The following ZNF320 variants were observed in gnomAD, a reference collection of about 807,000 sequenced individuals.
ZNF320 encodes zinc finger gene 320.
A neutral mutation model predicts 6.8 loss-of-function variants in ZNF320; 2 were observed. The observed-to-expected ratio is 0.29, with a 90% confidence interval of 0.12 to 0.93. The LOEUF is 0.93. Among genes scored for constraint, ZNF320 ranks in the 40% least tolerant of loss-of-function variants. ZNF320 has a pLI of 0.55. For missense variants in ZNF320, 472 were observed against 611.0 expected (o/e 0.77, Z 2.40); for synonymous variants, 208 against 203.2 (o/e 1.02, Z -0.20).
At chr19:52,867,481 C>A (rs1381197655) in intron 5 of ZNF320, among the ~76,000 whole-genome samples, 3 of 152,128 alleles carry the variant, frequency 2.0e-5, no homozygotes, top group Non-Finnish European at 4.4e-5. Context: ...CAGGCATGAG[C>A]CACCGTGCCC....
At chr19:52,899,768 G>A (rs2064565630), upstream of ZNF320, among the ~76,000 whole-genome samples, 1 of 152,178 alleles carries the variant, frequency 6.6e-6, no homozygotes, top group African/African-American at 2.4e-5. Context: ...GTGATAGATA[G>A]CATTTCTTAT....
At chr19:52,886,071 T>A (rs571266712) in intron 5 of ZNF320, among the ~76,000 whole-genome samples, 1 of 151,840 alleles carries the variant, frequency 6.6e-6, no homozygotes, top group East Asian at 1.9e-4. Flanking sequence ...AAAATAACTC[T>A]GACAAAAATA....
chr19:52,899,761 A>C (rs917473861), upstream of ZNF320, among the ~76,000 whole-genome samples: 2 of 152,168 alleles, frequency 1.3e-5, no homozygotes, highest in Non-Finnish European at 2.9e-5. Flanking sequence ...GCGCCCGGTG[A>C]TAGATAGCAT....
chr19:52,900,203 T>G (rs1419059442), upstream of ZNF320, among the ~76,000 whole-genome samples: 1 of 152,202 alleles, frequency 6.6e-6, no homozygotes, highest in East Asian at 1.9e-4. Context: ...AGTCTGCAAC[T>G]TTGGAAATTT....
intron 5 of ZNF320, among the ~76,000 whole-genome samples, chr19:52,882,434 T>A (rs1403053989): frequency 6.6e-6 from 1 of 152,208 alleles, no homozygotes; most frequent in African/African-American, 2.4e-5. Context: ...GTAAGGATAA[T>A]CAAAATCAAT....
chr19:52,902,344 A>G (rs376498957), upstream of ZNF320, among the ~76,000 whole-genome samples: 35 of 152,340 alleles, frequency 2.3e-4, no homozygotes, highest in Middle Eastern at 6.8e-3. Flanking sequence ...AGAATCCTGG[A>G]AAAGAGCTAC....
intron 5 of ZNF320, 41 bp from the exon 6 acceptor site, chr19:52,882,024 G>C (rs2063939630): frequency 2.6e-6 from 4 of 1,557,008 alleles, no homozygotes; most frequent in Non-Finnish European, 2.6e-6. Context: ...ATTAAGTACA[G>C]ATGGTATAAA....
At chr19:52,899,733 T>C (rs1018809866), upstream of ZNF320, among the ~76,000 whole-genome samples, 3 of 152,162 alleles carry the variant, frequency 2.0e-5, no homozygotes, top group African/African-American at 7.2e-5. Flanking sequence ...AGTGCTGGGA[T>C]TACAGGCGTG....
At chr19:52,868,970 T>C (rs1600574565) in intron 5 of ZNF320, among the ~76,000 whole-genome samples, 1 of 152,052 alleles carries the variant, frequency 6.6e-6, no homozygotes, top group Non-Finnish European at 1.5e-5. Context: ...AATTGGGGTG[T>C]TCACTTTTAC....
chr19:52,872,447 C>T (rs535877541), downstream of ZNF320, among the ~76,000 whole-genome samples: 7 of 152,304 alleles, frequency 4.6e-5, no homozygotes, highest in South Asian at 6.2e-4. Flanking sequence ...GGGGGAGCAG[C>T]GCTCAGCAAG....
intron 5 of ZNF320, among the ~76,000 whole-genome samples, chr19:52,870,674 A>G (rs562692500): frequency 6.6e-6 from 1 of 151,630 alleles, no homozygotes; most frequent in African/African-American, 2.4e-5. Flanking sequence ...GCTCAGGCAA[A>G]AGAATCACTG....
downstream of ZNF320, chr19:52,873,854 G>A (rs2063721747): frequency 7.0e-6 from 2 of 286,768 alleles, no homozygotes; most frequent in Admixed American, 4.2e-5. Flanking sequence ...AGATGACAAG[G>A]ACTGAGAAAA....
intron 5 of ZNF320, among the ~76,000 whole-genome samples, chr19:52,864,469 C>T (rs1205050920): frequency 6.6e-6 from 1 of 152,148 alleles, no homozygotes; most frequent in Non-Finnish European, 1.5e-5. Context: ...AATACAAGTG[C>T]AGTCTCAGAG....
chr19:52,901,538 G>A (rs1006204870), upstream of ZNF320, among the ~76,000 whole-genome samples: 5 of 152,040 alleles, frequency 3.3e-5, no homozygotes, highest in African/African-American at 1.2e-4. Context: ...TCAGAGGTTG[G>A]GCCCACTAGA....
intron 5 of ZNF320, among the ~76,000 whole-genome samples, chr19:52,864,996 G>A (rs1159334328): frequency 6.6e-6 from 1 of 151,834 alleles, no homozygotes; most frequent in Non-Finnish European, 1.5e-5. Flanking sequence ...CTGGGTGATA[G>A]AGCGAGACTC....
chr19:52,876,554 G>C lies in ZNF320; in HGVS notation c.*4042C>G, dbSNP rs2063772174. 6.6e-6 allele frequency: 1 copy of C among 152,132 alleles called. No individual in the cohort carries two copies. Among genetic ancestry groups the C allele is most frequent in the Non-Finnish European group, 1.5e-5 (1 of 68,024 alleles). 9.4% of individuals were successfully genotyped at this position (152,132 alleles called of 1,614,324 possible). Reference sequence around the variant, plus strand: ...CTCGCTCTTGCCCAGCCAGAGTGCAGTTGCAGGATCTCAGCTCACTGCAAC... The same window carrying C: ...CTCGCTCTTGCCCAGCCAGAGTGCACTTGCAGGATCTCAGCTCACTGCAAC... On this transcript the variant is annotated 3_prime_UTR_variant, in exon 6 of 6. Transcript: ENST00000682928.
upstream of ZNF320, among the ~76,000 whole-genome samples, chr19:52,899,921 G>A (rs1018839588): frequency 3.9e-5 from 6 of 152,140 alleles, no homozygotes; most frequent in African/African-American, 1.2e-4. Context: ...TGTCTAAGTG[G>A]CAGGCTTACA....
intron 4 of ZNF320, among the ~76,000 whole-genome samples, chr19:52,888,748 G>T (rs1282024262): frequency 6.6e-6 from 1 of 151,726 alleles, no homozygotes; most frequent in Non-Finnish European, 1.5e-5. Context: ...TAATACAAAG[G>T]GTTGTCATTT....
exon 6 of ZNF320, chr19:52,862,926 C>A: frequency 4.5e-6 from 1 of 223,372 alleles, no homozygotes; most frequent in Non-Finnish European, 9.1e-6. Context: ...CTCAGCTGTT[C>A]TGGACCCTGA....
Sources: allele counts gnomAD v4.1 joint callset (sites outside exome capture counted in the v4.1 genomes callset), GRCh38; gene constraint gnomAD v4.1.1; transcripts MANE v1.5; gene names NCBI Gene and HGNC (gene_info 2026-07-23, HGNC 2026-07-21).